VANGL1: variants seen among roughly 807,000 people sequenced by gnomAD.
The protein encoded by VANGL1 is vang-like protein 1.
In VANGL1, 18 loss-of-function variants were observed where a neutral mutation model predicts 48.4. That is an observed-to-expected ratio of 0.37 (90% CI 0.26 to 0.55). The LOEUF is 0.55. Ranked by LOEUF, VANGL1 falls within the 20% of genes least tolerant of loss-of-function variation. The pLI is 0.81. For missense variants in VANGL1, 667 were observed against 675.8 expected (o/e 0.99, Z 0.14); for synonymous variants, 257 against 261.8 (o/e 0.98, Z 0.18).
chr1:115,670,382 G>C (rs902079924), intron 4 of VANGL1, among the ~76,000 whole-genome samples: 1 of 152,208 alleles, frequency 6.6e-6, no homozygotes, highest in Non-Finnish European at 1.5e-5. Flanking sequence ...AGCTCATCTT[G>C]TCCTCTCTCC....
At position 115,691,108 on chromosome 1, in the gene VANGL1, T is replaced by C; in HGVS notation, c.1315-11T>C. The C allele has an allele frequency of 6.2e-7, 1 of 1,614,172 alleles. No homozygotes were observed. Among genetic ancestry groups the C allele is most frequent in the South Asian group, 1.1e-5 (1 of 91,080 alleles). Reference sequence around the variant, plus strand: ...GTTTCTTCCCTAATGGCCTTTCTCCTCTGCTTCCAGGCCTTCCTAGAACGG... The same window carrying C: ...GTTTCTTCCCTAATGGCCTTTCTCCCCTGCTTCCAGGCCTTCCTAGAACGG... On this transcript the variant is annotated splice_polypyrimidine_tract_variant and intron_variant, in intron 7 of 7. Coordinates refer to ENST00000355485, the MANE Select transcript of VANGL1 (RefSeq NM_138959.3).
rs545763991 is a variant in VANGL1, at chr1:115,688,433, T to C, written c.1315-2686T>C. ...GTATCACCTATGGCTGCTTTCACTT[T>C]GCACCAACAGAGCTGAGTAGTTGTG... On this transcript the variant is annotated intron_variant, in intron 7 of 7. Coordinates refer to ENST00000355485, the MANE Select transcript of VANGL1 (RefSeq NM_138959.3). 6.5e-5 allele frequency among the ~76,000 whole-genome samples: 9 copies of C among 139,448 alleles called. No homozygotes were observed. In the East Asian group the frequency reaches 1.8e-3, roughly 28 times the overall value. The allele number at this position is 139,448 out of a possible 152,430, so 91.5% of individuals were successfully genotyped here. A position where few individuals can be genotyped will look rare whatever the true frequency, so the allele number is the denominator to read the frequency against.
At chr1:115,683,657 T>C (rs1219143669) in intron 5 of VANGL1, among the ~76,000 whole-genome samples, 1 of 152,222 alleles carries the variant, frequency 6.6e-6, no homozygotes, top group African/African-American at 2.4e-5. Context: ...TGTGTTGTTT[T>C]TGGCCAACAT....
chr1:115,664,002 GT>G lies in VANGL1; in HGVS notation c.549del (p.Phe183LeufsTer88). ...RKRRADMPRV[F>X]VFRALLLVLI... ...AGCGGAGAGCTGACATGCCACGGGTGTTTGTGTTTCGTGCCCTTTTGTTGGT... is the reference window on the plus strand; with the variant it reads ...AGCGGAGAGCTGACATGCCACGGGTGTTGTGTTTCGTGCCCTTTTGTTGGT... On this transcript the variant is annotated frameshift_variant, in exon 4 of 8. Transcript: ENST00000355485. LOFTEE classifies it high-confidence loss of function. The G allele has an allele frequency of 6.2e-7, 1 of 1,614,206 alleles. No homozygotes were observed. Among genetic ancestry groups the G allele is most frequent in the Non-Finnish European group, 8.5e-7 (1 of 1,180,034 alleles).
intron 2 of VANGL1, among the ~76,000 whole-genome samples, chr1:115,652,255 C>T (rs945718933): frequency 6.6e-6 from 1 of 152,192 alleles, no homozygotes; most frequent in Non-Finnish European, 1.5e-5. Context: ...ATTGGTCAAA[C>T]TTCCCCTTCT....
chr1:115,677,474 C>G (rs1380335001), intron 4 of VANGL1, among the ~76,000 whole-genome samples: 1 of 152,102 alleles, frequency 6.6e-6, no homozygotes, highest in Non-Finnish European at 1.5e-5. Context: ...TTTGTGTAGA[C>G]CCATTGCTGG....
intron 2 of VANGL1, among the ~76,000 whole-genome samples, chr1:115,653,597 G>A (rs1220996549): frequency 2.0e-5 from 3 of 152,072 alleles, no homozygotes; most frequent in South Asian, 2.1e-4. Flanking sequence ...GTCTACACTC[G>A]AGTTCTGACT....
At chr1:115,674,093 G>T (rs1388944794) in intron 4 of VANGL1, among the ~76,000 whole-genome samples, 2 of 152,176 alleles carry the variant, frequency 1.3e-5, no homozygotes, top group Admixed American at 6.5e-5. Context: ...TTGCTCTATT[G>T]TGGATGTTTG....
chr1:115,672,947 G>A (rs1378222334), intron 4 of VANGL1, among the ~76,000 whole-genome samples: 1 of 152,172 alleles, frequency 6.6e-6, no homozygotes, highest in Non-Finnish European at 1.5e-5. Context: ...CGTCCAGGTA[G>A]ATTTAGCTCT....
chr1:115,684,435 C>T (rs897829336), intron 6 of VANGL1, among the ~76,000 whole-genome samples: 1 of 152,150 alleles, frequency 6.6e-6, no homozygotes, highest in Non-Finnish European at 1.5e-5. Flanking sequence ...CCACCATGCC[C>T]GGCCTCTTGT....
intron 4 of VANGL1, among the ~76,000 whole-genome samples, chr1:115,665,114 C>T (rs1357600487): frequency 6.6e-6 from 1 of 152,158 alleles, no homozygotes; most frequent in Non-Finnish European, 1.5e-5. Flanking sequence ...GAGTGAATGC[C>T]CCCATAATGG....
At chr1:115,681,547 C>G (rs1458282579) in intron 4 of VANGL1, among the ~76,000 whole-genome samples, 1 of 127,094 alleles carries the variant, frequency 7.9e-6, no homozygotes, top group African/African-American at 3.0e-5. Context: ...ACTCTTGTTG[C>G]CCAGGCTGGA....
In VANGL1 at chr1:115,695,005, C is replaced by T. The variant is rs1051047833; in HGVS notation, c.*3626C>T. On this transcript the variant is annotated 3_prime_UTR_variant, in exon 8 of 8. Coordinates refer to ENST00000355485, the MANE Select transcript of VANGL1 (RefSeq NM_138959.3). ...GACTTTTCCCTCCCCTGCTTTATTC[C>T]TTTCCCTCACTGACACTGGCTTCTC... 6.6e-6 allele frequency: 1 copy of T among 152,196 alleles called. No individual in the cohort carries two copies. Among genetic ancestry groups the T allele is most frequent in the African/African-American group, 2.4e-5 (1 of 41,428 alleles). The allele number at this position is 152,196 out of a possible 1,614,324, so 9.4% of individuals were successfully genotyped here. A position where few individuals can be genotyped will look rare whatever the true frequency, so the allele number is the denominator to read the frequency against.
chr1:115,683,631 T>C (rs1164390921), intron 5 of VANGL1, among the ~76,000 whole-genome samples: 4 of 152,192 alleles, frequency 2.6e-5, no homozygotes, highest in Non-Finnish European at 5.9e-5. Flanking sequence ...GATGGTAACA[T>C]CTTCAGCACA....
At chr1:115,690,308 C>T (rs764636340) in intron 7 of VANGL1, among the ~76,000 whole-genome samples, 37 of 152,102 alleles carry the variant, frequency 2.4e-4, no homozygotes, top group Admixed American at 5.9e-4. Flanking sequence ...AGAGAAGAGC[C>T]TTAAGAAGAT....
At chr1:115,676,676 A>G (rs908162415) in intron 4 of VANGL1, among the ~76,000 whole-genome samples, 1 of 152,182 alleles carries the variant, frequency 6.6e-6, no homozygotes, top group Non-Finnish European at 1.5e-5. Context: ...AAGTCTCATA[A>G]TGTCATAGAA....
chr1:115,673,908 T>G (rs552763563), intron 4 of VANGL1, among the ~76,000 whole-genome samples: 1 of 152,206 alleles, frequency 6.6e-6, no homozygotes, highest in African/African-American at 2.4e-5. Context: ...GCCACCTCTT[T>G]TCTTATACGG....
rs1653579852 is a variant in VANGL1, at chr1:115,685,672, T to C, written c.1314+145T>C. The C allele has an allele frequency of 4.4e-6, 4 of 910,114 alleles. No individual in the cohort carries two copies. In the Admixed American group the frequency reaches 6.0e-5, roughly 14 times the overall value. The allele number at this position is 910,114 out of a possible 1,614,324, so 56.4% of individuals were successfully genotyped here. Reference sequence around the variant, plus strand: ...AATAAGAATTAGTGATTCTCACTTATTTTATGTTATGTTAGTACAATTGTT... The same window carrying C: ...AATAAGAATTAGTGATTCTCACTTACTTTATGTTATGTTAGTACAATTGTT... On this transcript the variant is annotated intron_variant, in intron 7 of 7. Transcript: ENST00000355485.
chr1:115,663,936 C>A lies in VANGL1; in HGVS notation c.480C>A (p.Leu160=). Residue 160 remains leucine (L), a synonymous_variant, in exon 4 of 8, where the codon CTC becomes CTA. Coordinates refer to ENST00000355485, the MANE Select transcript of VANGL1 (RefSeq NM_138959.3). ...EGLFISMAFK[L]LILLIGTWAL... ...TCTTTATCTCCATGGCATTCAAACT[C>A]CTCATTCTGCTCATAGGGACCTGGG... is the stretch of plus-strand genomic sequence containing the variant. 6.2e-7 allele frequency: 1 copy of A among 1,614,196 alleles called. No individual in the cohort carries two copies. Among genetic ancestry groups the A allele is most frequent in the South Asian group, 1.1e-5 (1 of 91,080 alleles).
Sources: gnomAD v4.1 joint callset for allele counts (sites outside exome capture counted in the v4.1 genomes callset) on GRCh38, gnomAD v4.1.1 for gene constraint, MANE v1.5 for transcripts, NCBI Gene and HGNC (gene_info 2026-07-23, HGNC 2026-07-21) for gene names.